MOBP: variants seen among roughly 807,000 people sequenced by gnomAD.
MOBP encodes the protein myelin-associated oligodendrocyte basic protein.
MOBP carries 5 observed loss-of-function variants against 15.0 expected under a neutral mutation model. The observed-to-expected ratio is 0.33, with a 90% CI of 0.17 to 0.70. MOBP has a LOEUF of 0.70. Ranked by LOEUF, MOBP falls within the 30% of genes least tolerant of loss-of-function variation. MOBP has a pLI of 0.67. For synonymous variants in MOBP, 88 were observed against 99.0 expected (o/e 0.89, Z 0.66); for missense variants, 188 against 257.8 (o/e 0.73, Z 1.85).
chr3:39,488,743 C>T (rs1056979590), intron 2 of MOBP, among the ~76,000 whole-genome samples: 1 of 152,136 alleles, frequency 6.6e-6, no homozygotes, highest in African/African-American at 2.4e-5. Context: ...GTCATCCTTG[C>T]CTTATTCTTT....
At chr3:39,486,347 T>C (rs577517982) in intron 2 of MOBP, among the ~76,000 whole-genome samples, 1 of 152,300 alleles carries the variant, frequency 6.6e-6, no homozygotes, top group South Asian at 2.1e-4. Flanking sequence ...TCATTCCACG[T>C]GTTTGCTATT....
chr3:39,517,417 A>G (rs1277533555), downstream of MOBP, among the ~76,000 whole-genome samples: 1 of 152,188 alleles, frequency 6.6e-6, no homozygotes, highest in Non-Finnish European at 1.5e-5. Flanking sequence ...ACCCTGGGGT[A>G]CTTGGAGATC....
intron 1 of MOBP, among the ~76,000 whole-genome samples, chr3:39,471,607 C>A (rs1315508067): frequency 6.6e-5 from 10 of 152,270 alleles, no homozygotes; most frequent in Admixed American, 5.2e-4. Flanking sequence ...CTCTGTCAAC[C>A]CCAAGTCTGG....
exon 5 of MOBP, chr3:39,515,866 ATTTAC>A: frequency 6.6e-6 from 1 of 152,034 alleles, no homozygotes; most frequent in African/African-American, 2.4e-5. Context: ...CTATTCATTT[ATTTAC>A]TTGTTTAATG....
downstream of MOBP, chr3:39,527,101 A>C (rs2043332621): frequency 6.6e-6 from 1 of 152,088 alleles, no homozygotes; most frequent in African/African-American, 2.4e-5. Context: ...CAAGCTATGA[A>C]CATGATTCTC....
intron 2 of MOBP, among the ~76,000 whole-genome samples, chr3:39,500,962 TGA>T (rs2042961362): frequency 6.6e-6 from 1 of 152,260 alleles, no homozygotes; most frequent in Non-Finnish European, 1.5e-5. Context: ...ACAATTTTGA[TGA>T]TCACAAACAG....
intron 1 of MOBP, among the ~76,000 whole-genome samples, chr3:39,472,604 G>C (rs537399260): frequency 6.6e-6 from 1 of 152,278 alleles, no homozygotes; most frequent in East Asian, 1.9e-4. Context: ...GAAAAATGAG[G>C]GCCCCCTTCT....
At position 39,501,759 on chromosome 3, in the gene MOBP, T is replaced by C. The variant is rs866175639; in HGVS notation, c.-4-307T>C. Among the ~76,000 whole-genome samples the C allele has an allele frequency of 9.9e-5, 15 of 152,208 alleles. No individual in the cohort carries two copies. In the South Asian group the frequency reaches 1.2e-3, roughly 13 times the overall value. On this transcript the variant is annotated intron_variant, in intron 2 of 3. Coordinates refer to ENST00000684792, the MANE Select transcript of MOBP (RefSeq NM_001393704.1). ...CTAGAATATTATTTAGTCAAGGATA[T>C]GTTTGGTTTTAAATGTTTTCCTATC...
chr3:39,473,157 A>G (rs1199216730), intron 1 of MOBP, among the ~76,000 whole-genome samples: 2 of 152,212 alleles, frequency 1.3e-5, no homozygotes, highest in Non-Finnish European at 2.9e-5. Context: ...CCCTTAAAGC[A>G]TTAGGTAAAT....
intron 1 of MOBP, among the ~76,000 whole-genome samples, chr3:39,478,285 AT>A (rs1465850853): frequency 1.8e-4 from 28 of 152,312 alleles, no homozygotes; most frequent in African/African-American, 6.3e-4. Context: ...AAATACTTAA[AT>A]TACTATTGTG....
intron 2 of MOBP, among the ~76,000 whole-genome samples, 192 bp downstream of exon 2, chr3:39,480,315 T>TA (rs1259944149): frequency 4.6e-5 from 7 of 151,808 alleles, no homozygotes; most frequent in Non-Finnish European, 1.0e-4. Context: ...AGCAGAAATA[T>TA]AAAAAAAAAT....
chr3:39,526,893 CA>C (rs1347051856), downstream of MOBP: 6 of 151,088 alleles, frequency 4.0e-5, no homozygotes, highest in African/African-American at 1.5e-4. Context: ...TCTCCTGCCT[CA>C]GCCTCCCAAG....
chr3:39,518,106 A>G (rs1319152992), downstream of MOBP, among the ~76,000 whole-genome samples: 1 of 152,190 alleles, frequency 6.6e-6, no homozygotes, highest in Non-Finnish European at 1.5e-5. Flanking sequence ...ACCAACATTC[A>G]TATTGGATTT....
chr3:39,506,187 T>C (rs1315717485), downstream of MOBP, among the ~76,000 whole-genome samples: 3 of 152,352 alleles, frequency 2.0e-5, no homozygotes, highest in East Asian at 5.8e-4. Context: ...TGTTTTGCTC[T>C]CTCATATTGA....
downstream of MOBP, among the ~76,000 whole-genome samples, chr3:39,517,486 T>C (rs2043217601): frequency 6.6e-6 from 1 of 152,280 alleles, no homozygotes; most frequent in Non-Finnish European, 1.5e-5. Context: ...CACCTTCACA[T>C]CAACAAAAGT....
intron 1 of MOBP, among the ~76,000 whole-genome samples, chr3:39,475,436 C>CT (rs1370093010): frequency 6.6e-6 from 1 of 152,140 alleles, no homozygotes; most frequent in East Asian, 1.9e-4. Context: ...TCTCCTTACA[C>CT]TTTCACCTAC....
chr3:39,471,550 C>A (rs780993661), intron 1 of MOBP, among the ~76,000 whole-genome samples: 1 of 152,174 alleles, frequency 6.6e-6, no homozygotes, highest in Non-Finnish European at 1.5e-5. Context: ...AATTCAATTA[C>A]ACCAGGATAT....
chr3:39,503,319 A>G (rs539367985), downstream of MOBP, among the ~76,000 whole-genome samples: 1 of 152,312 alleles, frequency 6.6e-6, no homozygotes, highest in South Asian at 2.1e-4. Flanking sequence ...AATACCATTC[A>G]TTCATTCACT....
chr3:39,512,550 C>T (rs961163108), intron 4 of MOBP, among the ~76,000 whole-genome samples: 2 of 152,046 alleles, frequency 1.3e-5, no homozygotes, highest in South Asian at 2.1e-4. Flanking sequence ...GCTTTGCTAG[C>T]GTGATACATC....
Sources: allele counts gnomAD v4.1 joint callset (sites outside exome capture counted in the v4.1 genomes callset), GRCh38; gene constraint gnomAD v4.1.1; transcripts MANE v1.5; gene names NCBI Gene and HGNC (gene_info 2026-07-23, HGNC 2026-07-21).